Variants in PIK3C3 observed in about 807,000 individuals in gnomAD.
PIK3C3 encodes the protein PI3-kinase type 3.
Under a neutral mutation model 126.1 loss-of-function variants are expected in PIK3C3, and 95 were observed. That is an observed-to-expected ratio of 0.75 (90% CI 0.64 to 0.89). PIK3C3 has a LOEUF of 0.89. Ranked by LOEUF, PIK3C3 falls within the 40% of genes least tolerant of loss-of-function variation. The pLI, the probability that PIK3C3 is intolerant of heterozygous loss-of-function variation, is 0.00. For synonymous variants in PIK3C3, 374 were observed against 360.0 expected, an observed-to-expected ratio of 1.04 and a Z score of -0.44; for missense variants, 829 against 1,063.2, an observed-to-expected ratio of 0.78 and a Z score of 3.06.
intron 14 of PIK3C3, among the ~76,000 whole-genome samples, 162 bp downstream of exon 14, chr18:42,027,710 A>G (rs918730566): frequency 6.6e-6 from 1 of 152,138 alleles, no homozygotes; most frequent in Non-Finnish European, 1.5e-5. Context: ...GCCGGAGTAC[A>G]GTGGTGCCAT....
chr18:42,054,929 CT>C lies in PIK3C3; in HGVS notation c.2264-2943del, dbSNP rs376503442. Among the ~76,000 whole-genome samples, 487 of 145,566 alleles carry C rather than the reference CT, an allele frequency of 3.3e-3. 1 individual carries two copies. The highest frequency in any genetic ancestry group is 9.1e-3 in the African/African-American group (362 of 39,980). ...TTTACCACCATGAGATGAATAATGC[CT>C]TTTTTTTTTTAAACTTATGTAGTTC... On this transcript the variant is annotated intron_variant, in intron 21 of 24. Transcript: ENST00000262039.
chr18:41,971,776 T>C (rs913092170), intron 4 of PIK3C3, among the ~76,000 whole-genome samples: 1 of 152,006 alleles, frequency 6.6e-6, no homozygotes. Context: ...ATAATATTTT[T>C]AAAAAAGCTC....
chr18:42,042,845 A>G (rs1984384453), intron 19 of PIK3C3, among the ~76,000 whole-genome samples: 1 of 152,206 alleles, frequency 6.6e-6, no homozygotes, highest in Non-Finnish European at 1.5e-5. Flanking sequence ...TAGTGTTGCC[A>G]AACTTCAAAC....
At chr18:42,050,297 G>A (rs1484869441) in intron 21 of PIK3C3, 1 of 152,132 alleles carries the variant, frequency 6.6e-6, no homozygotes, top group Non-Finnish European at 1.5e-5. Context: ...TTTTCCCCTT[G>A]GAGTTCTATG....
chr18:42,016,639 G>A (rs1332531715), intron 12 of PIK3C3, among the ~76,000 whole-genome samples: 1 of 152,126 alleles, frequency 6.6e-6, no homozygotes, highest in African/African-American at 2.4e-5. Context: ...GCTATCTGGG[G>A]AAGAGCATTT....
intron 2 of PIK3C3, among the ~76,000 whole-genome samples, chr18:41,960,473 G>A (rs2144290728): frequency 6.6e-6 from 1 of 152,306 alleles, no homozygotes; most frequent in East Asian, 1.9e-4. Context: ...TCGAGTGCTA[G>A]CACAATGGTA....
At chr18:41,959,332 G>C (rs1979957911) in intron 2 of PIK3C3, among the ~76,000 whole-genome samples, 1 of 152,054 alleles carries the variant, frequency 6.6e-6, no homozygotes, top group Non-Finnish European at 1.5e-5. Flanking sequence ...ACTCTTCTCT[G>C]CATTAGTTTT....
At chr18:42,001,904 C>T (rs984418036) in intron 9 of PIK3C3, among the ~76,000 whole-genome samples, 3 of 152,074 alleles carry the variant, frequency 2.0e-5, no homozygotes, top group South Asian at 4.1e-4. Flanking sequence ...CCTAGAAATA[C>T]GTTTTAGAAG....
At chr18:42,058,102 A>G in intron 22 of PIK3C3, 51 bp downstream of exon 22, 1 of 1,456,994 alleles carries the variant, frequency 6.9e-7, no homozygotes, top group Non-Finnish European at 9.2e-7. Flanking sequence ...ATTTTATTTT[A>G]TAGAACAAGA....
chr18:42,040,787 C>A, intron 19 of PIK3C3, 46 bp downstream of exon 19: 2 of 1,252,204 alleles, frequency 1.6e-6, no homozygotes, highest in East Asian at 4.7e-5. Flanking sequence ...ATATTCTTGT[C>A]ATAAAAAATT....
At chr18:42,021,300 A>G (rs1279235926) in intron 13 of PIK3C3, among the ~76,000 whole-genome samples, 1 of 152,198 alleles carries the variant, frequency 6.6e-6, no homozygotes, top group Non-Finnish European at 1.5e-5. Context: ...GAGTCACTTG[A>G]AGGAAAGAGA....
At chr18:42,056,451 A>G (rs1335663939) in intron 21 of PIK3C3, among the ~76,000 whole-genome samples, 1 of 152,160 alleles carries the variant, frequency 6.6e-6, no homozygotes, top group African/African-American at 2.4e-5. Flanking sequence ...CATGGAGCTC[A>G]TTAAATAAAC....
At chr18:41,991,078 GT>G (rs1156565382) in intron 6 of PIK3C3, among the ~76,000 whole-genome samples, 1 of 152,128 alleles carries the variant, frequency 6.6e-6, no homozygotes, top group Non-Finnish European at 1.5e-5. Flanking sequence ...CAAATATGCA[GT>G]TATAGATTTG....
intron 7 of PIK3C3, among the ~76,000 whole-genome samples, chr18:41,995,041 A>G (rs571287571): frequency 6.6e-6 from 1 of 152,124 alleles, no homozygotes; most frequent in Non-Finnish European, 1.5e-5. Context: ...CTGTCTCAAA[A>G]AAAGAAACCA....
At chr18:42,013,620 ATT>A in intron 11 of PIK3C3, 24 bp downstream of exon 11, 2 of 1,519,042 alleles carry the variant, frequency 1.3e-6, no homozygotes, top group South Asian at 2.4e-5. Context: ...GGGAGGACAT[ATT>A]TTCTAGTTTG....
rs553988035 is a variant in PIK3C3, at chr18:42,013,438, C to A, written c.1171-4C>A. 7 of 1,466,184 alleles carry A rather than the reference C, an allele frequency of 4.8e-6. No homozygotes were observed. Among genetic ancestry groups the A allele is most frequent in the African/African-American group, 1.5e-5 (1 of 67,176 alleles). The allele number at this position is 1,466,184 out of a possible 1,614,324, so 90.8% of individuals were successfully genotyped here. ...ATATTACTTTACTTTTTTTTGTTTT[C>A]CAGGATTTGTTGATGTACCTATTAC... On this transcript the variant is annotated splice_region_variant and splice_polypyrimidine_tract_variant and intron_variant, in intron 10 of 24. Transcript: ENST00000262039.
At position 42,050,813 on chromosome 18, in the gene PIK3C3, T is replaced by C. The variant is rs566963837; in HGVS notation, c.2263+1208T>C. On this transcript the variant is annotated intron_variant, in intron 21 of 24. Transcript: ENST00000262039. The stretch of plus-strand genomic sequence containing the variant: ...TGTCCAGGCAGGCCATTTGTCTGAA[T>C]GTCAAACCACTCCTGCCTCAGACAA... 2.6e-5 allele frequency: 4 copies of C among 152,366 alleles called. No homozygotes were observed. The East Asian group carries it at 7.7e-4, about 29-fold the overall frequency. 9.4% of individuals were successfully genotyped at this position (152,366 alleles called of 1,614,324 possible).
intron 7 of PIK3C3, among the ~76,000 whole-genome samples, chr18:41,995,455 T>C (rs1334914888): frequency 1.3e-5 from 2 of 152,214 alleles, no homozygotes; most frequent in African/African-American, 4.8e-5. Context: ...GTTGTGATTA[T>C]TGTCCTTGCC....
chr18:41,983,893 A>G (rs1251003663), intron 4 of PIK3C3, among the ~76,000 whole-genome samples: 1 of 151,852 alleles, frequency 6.6e-6, no homozygotes, highest in African/African-American at 2.4e-5. Flanking sequence ...TCTTTTATTT[A>G]AATAGCTTTT....
Sources: gnomAD v4.1 joint callset for allele counts (sites outside exome capture counted in the v4.1 genomes callset) on GRCh38, gnomAD v4.1.1 for gene constraint, MANE v1.5 for transcripts, NCBI Gene and HGNC (gene_info 2026-07-23, HGNC 2026-07-21) for gene names.